Variants in ART5 observed in about 807,000 individuals in gnomAD.
The protein encoded by ART5 is ADP-ribosyltransferase 5.
A neutral mutation model predicts 25.0 loss-of-function variants in ART5; 22 were observed. The observed-to-expected ratio is 0.88, with a 90% CI of 0.63 to 1.26. The LOEUF is 1.26. Ranked by LOEUF, ART5 falls within the 50% of genes most tolerant of loss-of-function variation. The probability of loss-of-function intolerance (pLI) is 0.00; values close to 1 mark genes in which losing one functional copy is unlikely to be tolerated. For missense variants in ART5, 402 were observed against 372.8 expected, an observed-to-expected ratio of 1.08 and a Z score of -0.64; for synonymous variants, 161 against 154.8, an observed-to-expected ratio of 1.04 and a Z score of -0.30.
chr11:3,638,976 C>T (rs1287793900), intron 3 of ART5, 27 bp downstream of exon 3: 1 of 1,560,508 alleles, frequency 6.4e-7, no homozygotes, highest in Admixed American at 1.9e-5. Context: ...GTCAAAGCAG[C>T]TGAAGGAGGA....
In ART5 at chr11:3,639,710, G is replaced by T. The variant is rs1378208258; in HGVS notation, c.719C>A (p.Ala240Asp). The T allele has an allele frequency of 6.2e-7, 1 of 1,613,956 alleles. No individual in the cohort carries two copies. Among genetic ancestry groups the T allele is most frequent in the Non-Finnish European group, 8.5e-7 (1 of 1,180,032 alleles). Reference sequence around the variant, plus strand: ...GCTCCAGAGAGTCACCAAGCTCTGGGCTCCATCCTGAGAGAATCTGGTAAC... The same window carrying T: ...GCTCCAGAGAGTCACCAAGCTCTGGTCTCCATCCTGAGAGAATCTGGTAAC... ...FLVTRFSQDG[A>D]QSLVTLWSYN... The change falls in exon 2 of 4, where the codon GCC (alanine) becomes GAC (aspartate). Residue 240 changes from alanine to aspartate, a missense_variant. Transcript: ENST00000397068.
chr11:3,639,774 C>A lies in ART5; in HGVS notation c.655G>T (p.Glu219Ter). 1 of 1,614,164 alleles carries A rather than the reference C, an allele frequency of 6.2e-7. No homozygotes were observed. Among genetic ancestry groups the A allele is most frequent in the South Asian group, 1.1e-5 (1 of 91,074 alleles). The change falls in exon 2 of 4, where the codon GAG (glutamate) becomes TAG (stop). Residue 219 changes from glutamate to a stop codon, truncating the protein, a stop_gained. Transcript: ENST00000397068. LOFTEE classifies it high-confidence loss of function. ...TGGGGGGGAATCAGCACCTCGCGCT[C>A]CTTGGGAAAGACAGAGAAGGCCTGT... ...PIQAFSVFPKEREVLIPPHEV... is the reference protein window; with the variant it reads ...PIQAFSVFPK
chr11:3,640,070 G>A lies in ART5; in HGVS notation c.359C>T (p.Ser120Phe). ...AAAGTGCCTCATGTAGAGCTCCCGG[G>A]AGCCTCCGCCCGTCCGCACGGCCTG... ...LNQAVRTGGG[S>F]RELYMRHFPF... The change falls in exon 2 of 4, where the codon TCC becomes TTC. Residue 120 changes from serine (S) to phenylalanine (F), a missense_variant. Physicochemically the swap from Ser to Phe is radical, Grantham distance 155. Coordinates refer to ENST00000397068, the MANE Select transcript of ART5 (RefSeq NM_053017.5). The A allele has an allele frequency of 1.2e-6, 2 of 1,614,190 alleles. No homozygotes were observed. The highest frequency in any genetic ancestry group is 1.7e-6 in the Non-Finnish European group (2 of 1,180,044).
chr11:3,639,123 C>T, intron 2 of ART5, 88 bp from the exon 3 acceptor site: 2 of 1,392,002 alleles, frequency 1.4e-6, no homozygotes, highest in East Asian at 2.5e-5. Flanking sequence ...GGCCATTTCC[C>T]TTCTCAATCT....
chr11:3,639,940 G>A lies in ART5; in HGVS notation c.489C>T (p.Gly163=), dbSNP rs1589906041. 1 of 1,614,166 alleles carries A rather than the reference G, an allele frequency of 6.2e-7. No homozygotes were observed. The highest frequency in any genetic ancestry group is 1.3e-5 in the African/African-American group (1 of 75,064). The change falls in exon 2 of 4, where the codon GGC becomes GGT. Residue 163 remains glycine, a synonymous_variant. Coordinates refer to ENST00000397068, the MANE Select transcript of ART5 (RefSeq NM_053017.5). The stretch of plus-strand genomic sequence containing the variant: ...GCCTCTTGGGTTCAAAGCGAAGGCT[G>A]CCCACACCTCGGAACACCACCTCCC... ...GPGEVVFRGV[G]SLRFEPKRLG... is the part of the protein sequence containing the mutation.
upstream of ART5, chr11:3,642,242 C>G (rs1432094526): frequency 1.8e-6 from 2 of 1,101,790 alleles, no homozygotes; most frequent in African/African-American, 1.6e-5. Context: ...CTGCGCTGTC[C>G]CCGGAGGAGT....
In ART5 at chr11:3,638,700, G is replaced by A; in HGVS notation, c.*38C>T. On this transcript the variant is annotated 3_prime_UTR_variant, in exon 4 of 4. Coordinates refer to ENST00000397068, the MANE Select transcript of ART5 (RefSeq NM_053017.5). ...AGGCCAACATCCTGGTTGGGGAGAA[G>A]GCTGCTAGGGCTGGGTCCGGAACCA... 1 of 1,613,672 alleles carries A rather than the reference G, an allele frequency of 6.2e-7. No homozygotes were observed.
intron 1 of ART5, 30 bp from the exon 2 acceptor site, chr11:3,640,401 A>G: frequency 6.4e-7 from 1 of 1,554,906 alleles, no homozygotes; most frequent in South Asian, 1.2e-5. Flanking sequence ...CCACACCGAA[A>G]AGAGCATAAG....
upstream of ART5, chr11:3,642,286 C>T (rs574730966): frequency 5.8e-4 from 600 of 1,028,668 alleles, 6 homozygotes; most frequent in African/African-American, 9.8e-3. Context: ...GTTCTCGAGG[C>T]TAACTGTAGC....
upstream of ART5, chr11:3,642,072 C>T: frequency 7.0e-7 from 1 of 1,418,630 alleles, no homozygotes; most frequent in Non-Finnish European, 9.2e-7. Flanking sequence ...CGACTCCCCA[C>T]ACCCCTTCCT....
Position 3,641,863 on chromosome 11 carries a change from C to A in ART5, c.-1G>T. 2.5e-6 allele frequency: 4 copies of A among 1,570,794 alleles called. No homozygotes were observed. In the South Asian group the frequency reaches 3.5e-5, roughly 14 times the overall value. ...CGATCATCAAAGCCGCCAGCGCCAT[C>A]CCTGGAGGAGACGTGAGGGCCAGGG... is the stretch of plus-strand genomic sequence containing the variant. On this transcript the variant is annotated 5_prime_UTR_variant, in exon 1 of 4. Coordinates refer to ENST00000397068, the MANE Select transcript of ART5 (RefSeq NM_053017.5).
chr11:3,640,727 G>A (rs1473277471), intron 1 of ART5, among the ~76,000 whole-genome samples: 1 of 152,042 alleles, frequency 6.6e-6, no homozygotes, highest in Non-Finnish European at 1.5e-5. Context: ...ATGCCACCAT[G>A]CCTGGCTAAT....
rs1398029118 is a variant in ART5, at chr11:3,639,981, A to G, written c.448T>C (p.Cys150Arg). ...ACCACCTCCCCAGGTCCCCTGCTGC[A>G]GCCCCCACTGCCTCGCAGCAGCTGC... ...ALQLLRGSGG[C>R]SRGPGEVVFR... The change falls in exon 2 of 4, where the codon TGC becomes CGC. Residue 150 changes from cysteine (C) to arginine (R), a missense_variant. Cys to Arg is a radical substitution (Grantham distance 180). Transcript: ENST00000397068. 1.9e-6 allele frequency: 3 copies of G among 1,614,180 alleles called. No individual in the cohort carries two copies. The highest frequency in any genetic ancestry group is 1.6e-4 in the Middle Eastern group (1 of 6,062).
At chr11:3,640,490 T>TGCAAA in intron 1 of ART5, 119 bp from the exon 2 acceptor site, 1 of 1,314,054 alleles carries the variant, frequency 7.6e-7, no homozygotes, top group Non-Finnish European at 1.0e-6. Context: ...AAATATCAGG[T>TGCAAA]ATATGCAATT....
At chr11:3,641,997 C>A, upstream of ART5, 3 of 1,461,714 alleles carry the variant, frequency 2.1e-6, no homozygotes, top group Non-Finnish European at 2.7e-6. Flanking sequence ...AGGATTAGGG[C>A]CCCGGCGGGG....
upstream of ART5, chr11:3,642,091 CCA>C: frequency 7.1e-7 from 1 of 1,405,460 alleles, no homozygotes; most frequent in Middle Eastern, 2.7e-4. Flanking sequence ...CTCAGAGCCT[CCA>C]GTCTGGGGAC....
upstream of ART5, chr11:3,642,033 GC>G: frequency 7.0e-7 from 1 of 1,432,364 alleles, no homozygotes; most frequent in Non-Finnish European, 9.1e-7. Flanking sequence ...GGAGTTTATT[GC>G]CCGCCCCCCG....
At chr11:3,642,025 A>G, upstream of ART5, 1 of 1,436,080 alleles carries the variant, frequency 7.0e-7, no homozygotes. Context: ...GGGGCCTGGG[A>G]GTTTATTGCC....
Position 3,638,561 on chromosome 11 carries a change from T to C in ART5, c.*177A>G. 2 of 706,778 alleles carry C rather than the reference T, an allele frequency of 2.8e-6. No individual in the cohort carries two copies. Among genetic ancestry groups the C allele is most frequent in the South Asian group, 1.7e-5 (1 of 57,170 alleles). 43.8% of individuals were successfully genotyped at this position (706,778 alleles called of 1,614,324 possible). A position where few individuals can be genotyped will look rare whatever the true frequency, so the allele number is the denominator to read the frequency against. ...ACGTAGCTACCTCAATAAAACTCCA[T>C]GTCTCCACATTGCAACACCGTTCAA... On this transcript the variant is annotated 3_prime_UTR_variant, in exon 4 of 4. Coordinates refer to ENST00000397068, the MANE Select transcript of ART5 (RefSeq NM_053017.5).
Sources: gnomAD v4.1 joint callset for allele counts (sites outside exome capture counted in the v4.1 genomes callset) on GRCh38, gnomAD v4.1.1 for gene constraint, MANE v1.5 for transcripts, NCBI Gene and HGNC (gene_info 2026-07-23, HGNC 2026-07-21) for gene names.